Variants in ZNF624 observed in about 807,000 individuals in gnomAD.
ZNF624 encodes the protein zinc finger protein 624.
In ZNF624, 43 loss-of-function variants were observed where a neutral mutation model predicts 74.7. The observed-to-expected ratio is 0.58, with a 90% confidence interval of 0.45 to 0.74. The LOEUF is 0.74. ZNF624 is among the 30% of genes least tolerant of loss of function. The pLI is 0.00. For missense variants in ZNF624, 820 were observed against 1,030.0 expected, an observed-to-expected ratio of 0.80 and a Z score of 2.79; for synonymous variants, 331 against 341.3, an observed-to-expected ratio of 0.97 and a Z score of 0.33.
chr17:16,642,226 T>C (rs1011389169), intron 3 of ZNF624, among the ~76,000 whole-genome samples: 2 of 152,160 alleles, frequency 1.3e-5, no homozygotes, highest in African/African-American at 4.8e-5. Context: ...GGTGAGGCAC[T>C]CATACCTCCT....
chr17:16,649,802 A>C, intron 1 of ZNF624, 56 bp from the exon 2 acceptor site: 1 of 1,427,632 alleles, frequency 7.0e-7, no homozygotes, highest in Non-Finnish European at 9.9e-7. Context: ...TTTCAGACTC[A>C]CCAAGTTGGA....
chr17:16,633,605 GAAATA>G (rs1479201828), intron 5 of ZNF624, among the ~76,000 whole-genome samples: 6 of 152,058 alleles, frequency 3.9e-5, no homozygotes, highest in African/African-American at 1.4e-4. Context: ...GAATGAAGAA[GAAATA>G]AAATAATAAT....
chr17:16,641,010 G>A (rs1303878195), intron 3 of ZNF624, among the ~76,000 whole-genome samples: 1 of 151,980 alleles, frequency 6.6e-6, no homozygotes, highest in Non-Finnish European at 1.5e-5. Context: ...AGCCAAATGG[G>A]AATTATCTTA....
chr17:16,624,572 A>T, intron 5 of ZNF624, 63 bp from the exon 6 acceptor site: 1 of 1,391,032 alleles, frequency 7.2e-7, no homozygotes, highest in Middle Eastern at 1.9e-4. Flanking sequence ...CTCACTAAAC[A>T]GAATAATAAA....
At chr17:16,634,091 T>C in intron 4 of ZNF624, 134 bp from the exon 5 acceptor site, 1 of 556,574 alleles carries the variant, frequency 1.8e-6, no homozygotes, top group East Asian at 2.9e-5. Flanking sequence ...TCTGATACAG[T>C]TGCCAATTGT....
At chr17:16,620,069 T>A (rs1332681001), downstream of ZNF624, among the ~76,000 whole-genome samples, 1 of 152,246 alleles carries the variant, frequency 6.6e-6, no homozygotes. Flanking sequence ...TGATGGAAGA[T>A]AATTCACATC....
rs568880016 is a variant in ZNF624 at position 16,652,752 on chromosome 17, A to T, written c.-3+1012T>A. Among the ~76,000 whole-genome samples, 7 of 152,336 alleles carry T rather than the reference A, an allele frequency of 4.6e-5. No individual in the cohort carries two copies. The East Asian group carries it at 1.2e-3, about 25-fold the overall frequency. ...CTGTACTCTCCAAGCAGACAAGAAGAAGTATCTACCTATACATAGGAGTGT... is the reference window on the plus strand; with the variant it reads ...CTGTACTCTCCAAGCAGACAAGAAGTAGTATCTACCTATACATAGGAGTGT... On this transcript the variant is annotated intron_variant, in intron 1 of 5. Transcript: ENST00000311331.
At chr17:16,630,417 C>A (rs1053662668) in intron 5 of ZNF624, among the ~76,000 whole-genome samples, 2 of 152,004 alleles carry the variant, frequency 1.3e-5, no homozygotes, top group African/African-American at 4.8e-5. Flanking sequence ...ATTAGCTGGG[C>A]ATGGTGGTGC....
intron 3 of ZNF624, among the ~76,000 whole-genome samples, chr17:16,645,897 A>C (rs1909578948): frequency 7.0e-6 from 1 of 143,608 alleles, no homozygotes; most frequent in African/African-American, 2.6e-5. Context: ...GGTTGCAGTG[A>C]GCCAAGATTG....
intron 5 of ZNF624, 163 bp from the exon 6 acceptor site, chr17:16,624,672 G>T: frequency 1.6e-6 from 1 of 636,768 alleles, no homozygotes; most frequent in Non-Finnish European, 2.5e-6. Context: ...GTTAAGGGAG[G>T]CTGGTTTAGC....
At chr17:16,646,167 T>C (rs578105691) in intron 3 of ZNF624, among the ~76,000 whole-genome samples, 37 of 152,224 alleles carry the variant, frequency 2.4e-4, no homozygotes, top group African/African-American at 8.9e-4. Flanking sequence ...AGGGACTCCC[T>C]TTGTCAGAAC....
rs1366536047 is a variant in ZNF624 at position 16,622,759 on chromosome 17, T to G, written c.2127A>C (p.Ser709=). 1.9e-6 allele frequency: 3 copies of G among 1,613,762 alleles called. No homozygotes were observed. Among genetic ancestry groups the G allele is most frequent in the South Asian group, 1.1e-5 (1 of 91,072 alleles). ...NECGKVFTSN[S]GFNTHQRTHT... ...GTGTTCTTTGATGTGTATTAAAGCC[T>G]GAGTTACTTGTGAAAACCTTTCCAC... The change falls in exon 6 of 6, where the codon TCA becomes TCC. Residue 709 remains serine, a synonymous_variant. Coordinates refer to ENST00000311331, the MANE Select transcript of ZNF624 (RefSeq NM_020787.4).
Position 16,622,420 on chromosome 17 carries a change from G to C in ZNF624, c.2466C>G (p.Asp822Glu). The change falls in exon 6 of 6, where the codon GAC (aspartate) becomes GAG (glutamate). Residue 822 changes from aspartate (D) to glutamate (E), a missense_variant. Asp to Glu is a conservative substitution (Grantham distance 45, BLOSUM62 2). Coordinates refer to ENST00000311331, the MANE Select transcript of ZNF624 (RefSeq NM_020787.4). ...TATGCATCCTCAAGTGTACAGTAAAGTCTGAGTTAGTTCTGAAGGCTTTTC... is the reference window on the plus strand; with the variant it reads ...TATGCATCCTCAAGTGTACAGTAAACTCTGAGTTAGTTCTGAAGGCTTTTC... ...ECGKAFRTNS[D>E]FTVHLRMHTG... 1.2e-6 allele frequency: 2 copies of C among 1,613,894 alleles called. No homozygotes were observed. The highest frequency in any genetic ancestry group is 1.3e-5 in the African/African-American group (1 of 74,978).
At chr17:16,625,945 AT>A (rs370838248) in intron 5 of ZNF624, among the ~76,000 whole-genome samples, 8,412 of 144,280 alleles carry the variant, frequency 0.058, 255 homozygotes, top group Middle Eastern at 0.11. Context: ...TGGTTTTATG[AT>A]TTTTTTTTTT....
chr17:16,636,725 A>T (rs1189223694), intron 3 of ZNF624, among the ~76,000 whole-genome samples: 2 of 152,034 alleles, frequency 1.3e-5, no homozygotes, highest in African/African-American at 4.8e-5. Context: ...AGTCCCAGCT[A>T]CTAGGGAGGC....
At chr17:16,618,201 C>T (rs1295232365), downstream of ZNF624, among the ~76,000 whole-genome samples, 11 of 151,800 alleles carry the variant, frequency 7.2e-5, no homozygotes, top group Middle Eastern at 3.2e-3. Flanking sequence ...AAAAATTAGC[C>T]GGGTGTGGTG....
At chr17:16,636,792 C>T (rs536970613) in intron 3 of ZNF624, among the ~76,000 whole-genome samples, 38 of 151,558 alleles carry the variant, frequency 2.5e-4, no homozygotes, top group Admixed American at 8.5e-4. Context: ...GCCGAGATTG[C>T]GCCACTGCAC....
Position 16,622,586 on chromosome 17 carries a change from A to T in ZNF624, c.2300T>A (p.Leu767His), listed in dbSNP as rs1258928083. ...CGKAFRRGSY[L>H]TVHWRTHTGE... Reference sequence around the variant, plus strand: ...AGTGTGTGTTCTCCAATGCACTGTAAGGTAAGAACCCCTCCTGAAGGCTTT... The same window carrying T: ...AGTGTGTGTTCTCCAATGCACTGTATGGTAAGAACCCCTCCTGAAGGCTTT... Residue 767 changes from leucine to histidine, a missense_variant, in exon 6 of 6, where the codon CTT becomes CAT. By Grantham distance (99) the Leu-to-His change is moderately conservative. Transcript: ENST00000311331. The T allele has an allele frequency of 6.2e-7, 1 of 1,614,072 alleles. No individual in the cohort carries two copies. The highest frequency in any genetic ancestry group is 1.1e-5 in the South Asian group (1 of 91,076).
At position 16,652,792 on chromosome 17, in the gene ZNF624, A is replaced by G. The variant is rs553694043; in HGVS notation, c.-3+972T>C. Among the ~76,000 whole-genome samples the G allele has an allele frequency of 2.6e-5, 4 of 152,302 alleles. No individual in the cohort carries two copies. The East Asian group carries it at 5.8e-4, about 22-fold the overall frequency. On this transcript the variant is annotated intron_variant, in intron 1 of 5. Transcript: ENST00000311331. ...CATAGGAGTGTGGAATAGGAATAAAATCCCAGAGTGGCTGGCCACATCCCC... is the reference window on the plus strand; with the variant it reads ...CATAGGAGTGTGGAATAGGAATAAAGTCCCAGAGTGGCTGGCCACATCCCC...
Sources: allele counts gnomAD v4.1 joint callset (sites outside exome capture counted in the v4.1 genomes callset), GRCh38; gene constraint gnomAD v4.1.1; transcripts MANE v1.5; gene names NCBI Gene and HGNC (gene_info 2026-07-23, HGNC 2026-07-21).